Variants in CORO7 observed in about 807,000 individuals in gnomAD.
The protein encoded by CORO7 is coronin 7.
CORO7 carries 107 observed loss-of-function variants against 126.6 expected under a neutral mutation model. The observed-to-expected ratio is 0.85, with a 90% CI of 0.72 to 0.99. The LOEUF is 0.99. CORO7 is among the 50% of genes least tolerant of loss of function. The pLI is 0.00. For synonymous variants in CORO7, 603 were observed against 536.8 expected (o/e 1.12, Z -1.70); for missense variants, 1,314 against 1,255.8 (o/e 1.05, Z -0.70).
Position 4,395,309 on chromosome 16 carries a change from T to A in CORO7, c.595A>T (p.Thr199Ser). 6.2e-7 allele frequency: 1 copy of A among 1,614,034 alleles called. No homozygotes were observed. The highest frequency in any genetic ancestry group is 8.5e-7 in the Non-Finnish European group (1 of 1,180,006). ...CTCACCTGAGAGGCCCGCGGCTTTG[T>A]TCTGGGGTCAAAGATCCGCAGCTGC... ...DKQLRIFDPR[T>S]KPRASQSTQA... The change falls in exon 7 of 28, where the codon ACA becomes TCA. Residue 199 changes from threonine (T) to serine (S), a missense_variant. Thr to Ser is a moderately conservative substitution (Grantham distance 58). Transcript: ENST00000251166.
At chr16:4,366,676 G>A (rs2054359120) in intron 9 of CORO7, among the ~76,000 whole-genome samples, 1 of 151,912 alleles carries the variant, frequency 6.6e-6, no homozygotes, top group Non-Finnish European at 1.5e-5. Context: ...GAGTAGCTGG[G>A]ACTACAGGTG....
Position 4,359,508 on chromosome 16 carries a change from T to A in CORO7, c.2222A>T (p.Asp741Val). 1 of 1,613,474 alleles carries A rather than the reference T, an allele frequency of 6.2e-7. No individual in the cohort carries two copies. The highest frequency in any genetic ancestry group is 8.5e-7 in the Non-Finnish European group (1 of 1,179,960). The part of the protein sequence containing the change: ...PSTLLPSYDP[D>V]TGLVLLTGKG... ...GCCGGTCAGGAGCACCAGGCCAGTG[T>A]CTGGGTCGTAGCTGGGCAGCAGGGT... Residue 741 changes from aspartate (D) to valine (V), a missense_variant, in exon 22 of 28, where the codon GAC becomes GTC. By Grantham distance (152) the Asp-to-Val change is radical (BLOSUM62 -3). Coordinates refer to ENST00000251166, the MANE Select transcript of CORO7 (RefSeq NM_024535.5).
At chr16:4,357,637 T>C in intron 25 of CORO7, 1 of 366,670 alleles carries the variant, frequency 2.7e-6, no homozygotes, top group Non-Finnish European at 4.9e-6. Context: ...ATTACAGGCA[T>C]GAGCCACCGC....
intron 7 of CORO7, among the ~76,000 whole-genome samples, chr16:4,388,974 T>C (rs1263723163): frequency 1.3e-5 from 2 of 152,190 alleles, no homozygotes; most frequent in Non-Finnish European, 2.9e-5. Flanking sequence ...CACTGGCACT[T>C]TCTTGCCCCT....
At chr16:4,395,388 C>T (rs748818343) in intron 6 of CORO7, 49 bp from the exon 7 acceptor site, 2 of 1,611,912 alleles carry the variant, frequency 1.2e-6, no homozygotes, top group East Asian at 2.2e-5. Context: ...GCTGGAGGGT[C>T]CCTGGAAGCC....
chr16:4,401,126 T>C (rs2055787144), intron 6 of CORO7, among the ~76,000 whole-genome samples: 1 of 152,036 alleles, frequency 6.6e-6, no homozygotes, highest in African/African-American at 2.4e-5. Flanking sequence ...GGCCTGGAGG[T>C]TGTCACGGGA....
chr16:4,394,909 G>A (rs1217090346), intron 7 of CORO7, among the ~76,000 whole-genome samples: 1 of 152,238 alleles, frequency 6.6e-6, no homozygotes, highest in Non-Finnish European at 1.5e-5. Flanking sequence ...CCCACCCAGG[G>A]TCTTCCTGCA....
intron 6 of CORO7, among the ~76,000 whole-genome samples, chr16:4,400,530 C>T (rs1024204859): frequency 5.3e-5 from 8 of 151,902 alleles, no homozygotes; most frequent in African/African-American, 1.7e-4. Flanking sequence ...CTACTCGGGA[C>T]GGGGAGGCAG....
In CORO7 at chr16:4,360,531, C is replaced by G; in HGVS notation, c.1935G>C (p.Trp645Cys). ...TGGCCAGCTGCTGCCCATCAGGACT[C>G]CAGGCCAGGCTGAAGATCTGGGGGC... ...GHQDQIFSLA[W>C]SPDGQQLATV... is the part of the protein sequence containing the mutation. The change falls in exon 20 of 28, where the codon TGG becomes TGC. Residue 645 changes from tryptophan to cysteine, a missense_variant. By Grantham distance (215) the Trp-to-Cys change is radical (BLOSUM62 -2). Transcript: ENST00000251166. The G allele has an allele frequency of 2.5e-6, 4 of 1,607,814 alleles. No individual in the cohort carries two copies. Among genetic ancestry groups the G allele is most frequent in the Non-Finnish European group, 3.4e-6 (4 of 1,177,624 alleles).
chr16:4,358,599 C>A, intron 23 of CORO7, 116 bp from the exon 24 acceptor site: 1 of 911,746 alleles, frequency 1.1e-6, no homozygotes, highest in Non-Finnish European at 1.6e-6. Flanking sequence ...AGGGCCTGTC[C>A]CTGGACAGTA....
rs200299933 is a variant in CORO7 at position 4,361,131 on chromosome 16, C to T, written c.1774+31G>A. On this transcript the variant is annotated intron_variant, in intron 18 of 27. Coordinates refer to ENST00000251166, the MANE Select transcript of CORO7 (RefSeq NM_024535.5). Reference sequence around the variant, plus strand: ...TCAGGAGCCCTTGGGAGACACTGGCCACCCCAGCCCCATTCCTGAGCCTGC... The same window carrying T: ...TCAGGAGCCCTTGGGAGACACTGGCTACCCCAGCCCCATTCCTGAGCCTGC... 6.2e-6 allele frequency: 10 copies of T among 1,613,304 alleles called. No homozygotes were observed. The African/African-American group carries it at 1.2e-4, about 19-fold the overall frequency.
intron 9 of CORO7, among the ~76,000 whole-genome samples, chr16:4,372,838 A>G (rs2054584185): frequency 6.6e-6 from 1 of 152,086 alleles, no homozygotes; most frequent in Admixed American, 6.5e-5. Flanking sequence ...TGCAGGGTGG[A>G]AGGAAGAGGT....
intron 8 of CORO7, 66 bp downstream of exon 8, chr16:4,388,479 C>T: frequency 2.6e-6 from 4 of 1,555,816 alleles, no homozygotes; most frequent in Middle Eastern, 1.7e-4. Context: ...TGGTTTCGTC[C>T]CCGCCCAAAG....
chr16:4,364,194 A>G, intron 14 of CORO7, 82 bp downstream of exon 14: 1 of 1,409,130 alleles, frequency 7.1e-7, no homozygotes, highest in Non-Finnish European at 9.2e-7. Flanking sequence ...TCAAAAAAAA[A>G]AAAAGGCCGT....
chr16:4,364,463 G>A, intron 13 of CORO7, 50 bp from the exon 14 acceptor site: 2 of 1,478,968 alleles, frequency 1.4e-6, no homozygotes, highest in East Asian at 2.4e-5. Flanking sequence ...TGCCCGGTCA[G>A]GAGGGCCCCC....
Position 4,382,783 on chromosome 16 carries a change from A to G in CORO7, c.785+5203T>C, listed in dbSNP as rs766412403. 3.2e-6 allele frequency: 5 copies of G among 1,580,512 alleles called. No homozygotes were observed. The African/African-American group carries it at 5.4e-5, about 17-fold the overall frequency. On this transcript the variant is annotated intron_variant, in intron 9 of 27. Transcript: ENST00000251166. Reference sequence around the variant, plus strand: ...GAAGGTCCCCTTGGAGCCAGGCCCGAAGGCAACAGAGGGCGGTGGAGAGGC... The same window carrying G: ...GAAGGTCCCCTTGGAGCCAGGCCCGGAGGCAACAGAGGGCGGTGGAGAGGC...
rs753464714 is a variant in CORO7 at position 4,405,500 on chromosome 16, C to A, written c.555G>T (p.Thr185=). The change falls in exon 6 of 28, where the codon ACG becomes ACT. Residue 185 remains threonine (T), a synonymous_variant. Coordinates refer to ENST00000251166, the MANE Select transcript of CORO7 (RefSeq NM_024535.5). ...CCACCTGCCTGCTCACCTTGCACGC[C>A]GTGCCCACCAGGGCTCCATCTCGGC... ...VWSRDGALVG[T]ACKDKQLRIF... The A allele has an allele frequency of 6.2e-7, 1 of 1,612,422 alleles. No homozygotes were observed. The highest frequency in any genetic ancestry group is 1.1e-5 in the South Asian group (1 of 91,060).
intron 9 of CORO7, among the ~76,000 whole-genome samples, chr16:4,368,507 C>T (rs1302936959): frequency 4.6e-5 from 7 of 151,966 alleles, no homozygotes. Flanking sequence ...TCTGTAATCC[C>T]AGCACTTTGG....
At position 4,382,355 on chromosome 16, in the gene CORO7, G is replaced by A. The variant is rs768857019; in HGVS notation, c.785+5631C>T. On this transcript the variant is annotated intron_variant, in intron 9 of 27. Transcript: ENST00000251166. ...CAGGGGAGCTCCGTGCAGCTCAGGA[G>A]CCTCCGTCTCACCTATCGCAACCTA... is the stretch of plus-strand genomic sequence containing the variant. The A allele has an allele frequency of 1.9e-6, 3 of 1,612,036 alleles. No individual in the cohort carries two copies. In the East Asian group the frequency reaches 6.7e-5, roughly 36 times the overall value.
Sources: gnomAD v4.1 joint callset for allele counts (sites outside exome capture counted in the v4.1 genomes callset) on GRCh38, gnomAD v4.1.1 for gene constraint, MANE v1.5 for transcripts, NCBI Gene and HGNC (gene_info 2026-07-23, HGNC 2026-07-21) for gene names.